Variants in GART observed in about 807,000 individuals in gnomAD.
GART encodes trifunctional purine biosynthetic protein adenosine-3.
Under a neutral mutation model 107.2 loss-of-function variants are expected in GART, and 43 were observed. The observed-to-expected ratio is 0.40, with a 90% confidence interval of 0.31 to 0.52. The LOEUF (loss-of-function observed/expected upper bound fraction) is 0.52. GART is among the 20% of genes least tolerant of loss of function. The probability of loss-of-function intolerance (pLI) is 0.52; values close to 1 mark genes in which losing one functional copy is unlikely to be tolerated. For missense variants in GART, 1,107 were observed against 1,206.5 expected, an observed-to-expected ratio of 0.92 and a Z score of 1.22; for synonymous variants, 434 against 427.0, an observed-to-expected ratio of 1.02 and a Z score of -0.20.
rs574311173 is a variant in GART at position 33,531,610 on chromosome 21, T to C, written c.529-53A>G. ...TTTTTAAAAAAAGAGGCTTGGTAAG[T>C]TTTTGATACTTAGTTGACTTTTAGC... On this transcript the variant is annotated intron_variant, in intron 5 of 21. Coordinates refer to ENST00000381815, the MANE Select transcript of GART (RefSeq NM_000819.5). The C allele has an allele frequency of 4.5e-5, 67 of 1,484,258 alleles. 2 individuals carry two copies. In the East Asian group the frequency reaches 1.3e-3, roughly 28 times the overall value. 91.9% of individuals were successfully genotyped at this position (1,484,258 alleles called of 1,614,324 possible).
intron 11 of GART, among the ~76,000 whole-genome samples, chr21:33,523,792 C>T (rs1175540485): frequency 6.6e-6 from 1 of 151,730 alleles, no homozygotes; most frequent in South Asian, 2.1e-4. Context: ...CATGGTGAAA[C>T]CCCATGTCTA....
intron 11 of GART, chr21:33,523,939 C>T: frequency 5.5e-6 from 5 of 905,662 alleles, no homozygotes; most frequent in Non-Finnish European, 6.5e-6. Flanking sequence ...TGCACTCCAG[C>T]CTGGGCGACA....
chr21:33,505,509 G>C, intron 20 of GART, 52 bp downstream of exon 20: 3 of 1,527,734 alleles, frequency 2.0e-6, no homozygotes. Context: ...ATCTGTTCTG[G>C]AGACCATTTT....
intron 14 of GART, chr21:33,518,799 G>T: frequency 2.0e-6 from 1 of 497,662 alleles, no homozygotes; most frequent in South Asian, 1.5e-5. Flanking sequence ...GCTTCAGTCG[G>T]TCTCCTTAAA....
chr21:33,522,386 C>A, intron 11 of GART, 104 bp from the exon 12 acceptor site: 1 of 885,302 alleles, frequency 1.1e-6, no homozygotes, highest in South Asian at 1.6e-5. Flanking sequence ...TTCACATACC[C>A]TAAAGTGCTT....
chr21:33,519,075 C>G, intron 14 of GART: 1 of 295,358 alleles, frequency 3.4e-6, no homozygotes, highest in East Asian at 8.7e-5. Flanking sequence ...CTTTCTGTTT[C>G]TTTTCCATCA....
intron 7 of GART, 147 bp from the exon 8 acceptor site, chr21:33,529,084 A>C (rs1225966898): frequency 3.0e-5 from 16 of 531,546 alleles, no homozygotes; most frequent in Non-Finnish European, 3.3e-6. Flanking sequence ...GAAAGATTTA[A>C]ACTTTCTCAA....
chr21:33,511,402 G>A lies in GART; in HGVS notation c.2164C>T (p.Leu722Phe), dbSNP rs1314354891. 1 of 1,614,092 alleles carries A rather than the reference G, an allele frequency of 6.2e-7. No individual in the cohort carries two copies. Among genetic ancestry groups the A allele is most frequent in the Non-Finnish European group, 8.5e-7 (1 of 1,180,022 alleles). ...GTTCTGGCCATCTCTTCCTCAGAGA[G>A]GTGTCCTTCCTGCTGCAACCATGAG... ...VFSWLQQEGH[L>F]SEEEMARTFN... Residue 722 changes from leucine (L) to phenylalanine (F), a missense_variant, in exon 17 of 22, where the codon CTC becomes TTC. Coordinates refer to ENST00000381815, the MANE Select transcript of GART (RefSeq NM_000819.5).
At chr21:33,539,085 T>A (rs2085358194) in intron 2 of GART, 86 bp downstream of exon 2, 1 of 1,352,838 alleles carries the variant, frequency 7.4e-7, no homozygotes, top group Non-Finnish European at 1.0e-6. Context: ...CAGCCTATCT[T>A]TATTAACATA....
chr21:33,510,261 C>A, intron 17 of GART: 1 of 185,092 alleles, frequency 5.4e-6, no homozygotes, highest in Non-Finnish European at 1.1e-5. Flanking sequence ...CTCCTGGTCT[C>A]GGGGATAAGC....
intron 10 of GART, among the ~76,000 whole-genome samples, chr21:33,525,524 G>C (rs770816219): frequency 1.4e-4 from 22 of 152,152 alleles, no homozygotes; most frequent in Admixed American, 6.5e-4. Context: ...TCTGCCTCCT[G>C]GGTTCAAGCA....
Position 33,509,928 on chromosome 21 carries a change from T to G in GART, c.2315-8A>C, listed in dbSNP as rs2084754846. ...CTTTCACACGTGGGGAACCTTCATT[T>G]CAAACATATCCATAAATAAGTAAAG... On this transcript the variant is annotated splice_polypyrimidine_tract_variant and splice_region_variant and intron_variant, in intron 17 of 21. Transcript: ENST00000381815. 6.2e-7 allele frequency: 1 copy of G among 1,604,192 alleles called. No individual in the cohort carries two copies. Among genetic ancestry groups the G allele is most frequent in the South Asian group, 1.1e-5 (1 of 89,000 alleles).
intron 18 of GART, 76 bp from the exon 19 acceptor site, chr21:33,506,180 T>C (rs1413106391): frequency 6.6e-7 from 1 of 1,515,484 alleles, no homozygotes; most frequent in African/African-American, 1.4e-5. Context: ...TCTCACTCTG[T>C]CGCCCAGGCT....
chr21:33,511,125 G>T, intron 17 of GART, 127 bp downstream of exon 17: 1 of 900,754 alleles, frequency 1.1e-6, no homozygotes. Context: ...TTACATCTGT[G>T]TAAAGATAGT....
chr21:33,524,365 A>T (rs1246127871), intron 11 of GART: 2 of 744,272 alleles, frequency 2.7e-6, no homozygotes, highest in African/African-American at 3.8e-5. Flanking sequence ...CCTTGGCAAC[A>T]TGGTGAAACC....
chr21:33,528,432 C>T (rs2085115593), intron 9 of GART, 87 bp downstream of exon 9: 2 of 1,545,044 alleles, frequency 1.3e-6, no homozygotes, highest in Non-Finnish European at 1.8e-6. Context: ...ATGAATTTCC[C>T]AAAGGTAATT....
At chr21:33,538,461 G>A (rs571440012) in intron 2 of GART, among the ~76,000 whole-genome samples, 25 of 151,896 alleles carry the variant, frequency 1.6e-4, no homozygotes, top group Non-Finnish European at 2.9e-4. Context: ...TCAAACTGCT[G>A]GGCTCAAGAG....
At chr21:33,537,114 C>T (rs1421492305) in intron 2 of GART, among the ~76,000 whole-genome samples, 2 of 152,070 alleles carry the variant, frequency 1.3e-5, no homozygotes, top group Non-Finnish European at 2.9e-5. Flanking sequence ...TAGCAGAGGG[C>T]AACAAGAGGA....
intron 3 of GART, 122 bp from the exon 4 acceptor site, chr21:33,534,875 A>T: frequency 1.3e-6 from 1 of 786,264 alleles, no homozygotes; most frequent in Non-Finnish European, 1.9e-6. Flanking sequence ...GTGGCAGAGG[A>T]TAACTAACTT....
Sources: allele counts gnomAD v4.1 joint callset (sites outside exome capture counted in the v4.1 genomes callset), GRCh38; gene constraint gnomAD v4.1.1; transcripts MANE v1.5; gene names NCBI Gene and HGNC (gene_info 2026-07-23, HGNC 2026-07-21).